Variants in PCSK7 observed in about 807,000 individuals in gnomAD.
PCSK7 encodes the protein lymphoma proprotein convertase.
A neutral mutation model predicts 73.3 loss-of-function variants in PCSK7; 38 were observed. That is an observed-to-expected ratio of 0.52 (90% confidence interval 0.40 to 0.68). The LOEUF (loss-of-function observed/expected upper bound fraction) is 0.68. Among genes scored for constraint, PCSK7 ranks in the 30% least tolerant of loss-of-function variants. The pLI is 0.00. For synonymous variants in PCSK7, 296 were observed against 383.8 expected (o/e 0.77, Z 2.68); for missense variants, 692 against 991.5 (o/e 0.70, Z 4.06).
At position 117,223,323 on chromosome 11, in the gene PCSK7, G is replaced by A; in HGVS notation, c.1055-15C>T. ...ATCCACAGCTCCTAGGGACAGAGGA[G>A]GGAGATTAGAGCTGAGATGCAGAGG... On this transcript the variant is annotated splice_polypyrimidine_tract_variant and intron_variant, in intron 8 of 16. Transcript: ENST00000320934. 3 of 1,524,512 alleles carry A rather than the reference G, an allele frequency of 2.0e-6. No individual in the cohort carries two copies. The highest frequency in any genetic ancestry group is 2.7e-6 in the Non-Finnish European group (3 of 1,098,538). 94.4% of individuals were successfully genotyped at this position (1,524,512 alleles called of 1,614,324 possible). A position where few individuals can be genotyped will look rare whatever the true frequency, so the allele number is the denominator to read the frequency against.
intron 9 of PCSK7, chr11:117,222,973 A>T (rs2032263424): frequency 1.9e-6 from 1 of 514,698 alleles, no homozygotes; most frequent in Non-Finnish European, 3.5e-6. Context: ...TTCTAAAAAT[A>T]TGTATATTCG....
rs769452095 is a variant in PCSK7 at position 117,229,539 on chromosome 11, A to C, written c.306T>G (p.Ala102=). 16 of 1,613,400 alleles carry C rather than the reference A, an allele frequency of 9.9e-6. No individual in the cohort carries two copies. In the South Asian group the frequency reaches 1.8e-4, roughly 18 times the overall value. The change falls in exon 3 of 17, where the codon GCT becomes GCG. Residue 102 remains alanine, a synonymous_variant. Transcript: ENST00000320934. ...LQGHYLFVQP[A]GHRPALEVEA... is the part of the protein sequence containing the mutation. ...CCACCTCCAGGGCCGGCCTGTGCCC[A>C]GCAGGCTGGACAAAGAGGTAGTGCC...
Position 117,204,659 on chromosome 11 carries a change from G to A in PCSK7, c.*1338C>T, listed in dbSNP as rs973367737. The A allele has an allele frequency of 2.0e-6, 1 of 488,342 alleles. No individual in the cohort carries two copies. 30.3% of individuals were successfully genotyped at this position (488,342 alleles called of 1,614,324 possible). A position where few individuals can be genotyped will look rare whatever the true frequency, so the allele number is the denominator to read the frequency against. Reference sequence around the variant, plus strand: ...AGCGGGCTGGGGGTAGCCTGGATGTGGGCCAAGTCCACTGTCCTCCTTGGC... The same window carrying A: ...AGCGGGCTGGGGGTAGCCTGGATGTAGGCCAAGTCCACTGTCCTCCTTGGC... On this transcript the variant is annotated 3_prime_UTR_variant, in exon 17 of 17. Coordinates refer to ENST00000320934, the MANE Select transcript of PCSK7 (RefSeq NM_004716.4).
At chr11:117,213,774 C>T (rs1412507168) in intron 12 of PCSK7, 1 of 152,056 alleles carries the variant, frequency 6.6e-6, no homozygotes, top group African/African-American at 2.4e-5. Flanking sequence ...CTAGAACTCT[C>T]TCTACCAGAA....
At position 117,205,691 on chromosome 11, in the gene PCSK7, G is replaced by A. The variant is rs937050847; in HGVS notation, c.*306C>T. On this transcript the variant is annotated 3_prime_UTR_variant, in exon 17 of 17. Coordinates refer to ENST00000320934, the MANE Select transcript of PCSK7 (RefSeq NM_004716.4). ...TGGGAAGGGGTCCCCCATGCTTGGG[G>A]GACCTAGGCAGCTGGCTTGGCCCAA... is the stretch of plus-strand genomic sequence containing the variant. The A allele has an allele frequency of 2.6e-5, 8 of 305,528 alleles. No homozygotes were observed. The highest frequency in any genetic ancestry group is 1.7e-4 in the African/African-American group (8 of 47,218). The allele number at this position is 305,528 out of a possible 1,614,324, so 18.9% of individuals were successfully genotyped here. A position where few individuals can be genotyped will look rare whatever the true frequency, so the allele number is the denominator to read the frequency against.
Position 117,218,703 on chromosome 11 carries a change from C to T in PCSK7, c.1432-135G>A. 1 of 589,522 alleles carries T rather than the reference C, an allele frequency of 1.7e-6. No individual in the cohort carries two copies. The highest frequency in any genetic ancestry group is 3.0e-6 in the Non-Finnish European group (1 of 333,810). 36.5% of individuals were successfully genotyped at this position (589,522 alleles called of 1,614,324 possible). A position where few individuals can be genotyped will look rare whatever the true frequency, so the allele number is the denominator to read the frequency against. On this transcript the variant is annotated intron_variant, in intron 11 of 16. Coordinates refer to ENST00000320934, the MANE Select transcript of PCSK7 (RefSeq NM_004716.4). The surrounding 1 kb of genome is among the most constrained non-coding windows in gnomAD (Gnocchi z 4.0). ...TTATTTTTCCACTCCTCATCATCTT[C>T]CTTCAGCCCTCAGCTCCTGCTTGCT... is the stretch of plus-strand genomic sequence containing the variant.
In PCSK7 at chr11:117,225,650, A is replaced by C. The variant is rs568551580; in HGVS notation, c.860+281T>G. On this transcript the variant is annotated intron_variant, in intron 6 of 16. Transcript: ENST00000320934. ...TTCAGCTGGCCTGTGGATGGAGAAG[A>C]AAGCCCGCTTTCTTGCAGAGGCCTT... The C allele has an allele frequency of 2.0e-5, 9 of 447,266 alleles. No individual in the cohort carries two copies. In the East Asian group the frequency reaches 2.9e-4, roughly 14 times the overall value. 27.7% of individuals were successfully genotyped at this position (447,266 alleles called of 1,614,324 possible). A position where few individuals can be genotyped will look rare whatever the true frequency, so the allele number is the denominator to read the frequency against.
chr11:117,231,273 G>A (rs1033142316), intron 1 of PCSK7: 3 of 152,054 alleles, frequency 2.0e-5, no homozygotes, highest in African/African-American at 7.2e-5. Flanking sequence ...TCCTGGAAAG[G>A]AGAACTTATG....
chr11:117,205,438 G>A lies in PCSK7; in HGVS notation c.*559C>T, dbSNP rs914100403. The A allele has an allele frequency of 3.9e-5, 9 of 233,720 alleles. No individual in the cohort carries two copies. The highest frequency in any genetic ancestry group is 2.8e-4 in the Admixed American group (5 of 17,780). The allele number at this position is 233,720 out of a possible 1,614,324, so 14.5% of individuals were successfully genotyped here. A position where few individuals can be genotyped will look rare whatever the true frequency, so the allele number is the denominator to read the frequency against. Reference sequence around the variant, plus strand: ...GAGCCGTGTGTATCCCAGCTGTGCCGGCAGCATCATACCAATCGTGGGGGT... The same window carrying A: ...GAGCCGTGTGTATCCCAGCTGTGCCAGCAGCATCATACCAATCGTGGGGGT... On this transcript the variant is annotated 3_prime_UTR_variant, in exon 17 of 17. Coordinates refer to ENST00000320934, the MANE Select transcript of PCSK7 (RefSeq NM_004716.4).
intron 8 of PCSK7, chr11:117,223,731 T>C (rs2032298687): frequency 2.8e-6 from 1 of 361,450 alleles, no homozygotes; most frequent in Non-Finnish European, 5.1e-6. Context: ...ACATGCTAAC[T>C]GGGAGCACAG....
Position 117,204,639 on chromosome 11 carries a change from G to C in PCSK7, c.*1358C>G. ...CCTGGGCTAAGCAGGGGAGAAGCGGGCTGGGGGTAGCCTGGATGTGGGCCA... is the reference window on the plus strand; with the variant it reads ...CCTGGGCTAAGCAGGGGAGAAGCGGCCTGGGGGTAGCCTGGATGTGGGCCA... On this transcript the variant is annotated 3_prime_UTR_variant, in exon 17 of 17. Transcript: ENST00000320934. The C allele has an allele frequency of 5.7e-6, 3 of 524,760 alleles. No homozygotes were observed. Among genetic ancestry groups the C allele is most frequent in the Non-Finnish European group, 1.1e-5 (3 of 283,596 alleles). 32.5% of individuals were successfully genotyped at this position (524,760 alleles called of 1,614,324 possible).
At chr11:117,231,266 T>G (rs1465909097) in intron 1 of PCSK7, 1 of 152,216 alleles carries the variant, frequency 6.6e-6, no homozygotes, top group Non-Finnish European at 1.5e-5. Context: ...AAAGGCTTCC[T>G]GGAAAGGAGA....
Position 117,218,436 on chromosome 11 carries a change from A to G in PCSK7, c.1534+30T>C. 1 of 1,288,844 alleles carries G rather than the reference A, an allele frequency of 7.8e-7. No homozygotes were observed. 79.8% of individuals were successfully genotyped at this position (1,288,844 alleles called of 1,614,324 possible). On this transcript the variant is annotated intron_variant, in intron 12 of 16. Transcript: ENST00000320934. This position sits in a 1 kb window ranked among gnomAD's most constrained non-coding sequence, Gnocchi z 4.0. The stretch of plus-strand genomic sequence containing the variant: ...CACCCGGCCCCAAACCTCAGGCCTA[A>G]GATTAACCCCCTTTGTGCTGATTAC...
chr11:117,219,132 G>A lies in PCSK7; in HGVS notation c.1356C>T (p.Asn452=), dbSNP rs763942594. 29 of 1,611,070 alleles carry A rather than the reference G, an allele frequency of 1.8e-5. No homozygotes were observed. Among genetic ancestry groups the A allele is most frequent in the South Asian group, 9.9e-5 (9 of 91,004 alleles). The change falls in exon 11 of 17, where the codon AAC becomes AAT. Residue 452 remains asparagine, a synonymous_variant. Coordinates refer to ENST00000320934, the MANE Select transcript of PCSK7 (RefSeq NM_004716.4). The part of the protein sequence containing the change: ...YEDRRAEWVT[N]EAGFSHSHQH... ...GGTGGCTATGGCTGAAGCCTGCCTCGTTGGTGACCCACTCTGCACGGCGAT... is the reference window on the plus strand; with the variant it reads ...GGTGGCTATGGCTGAAGCCTGCCTCATTGGTGACCCACTCTGCACGGCGAT...
At chr11:117,226,404 G>A (rs1240683281) in intron 5 of PCSK7, 2 of 245,248 alleles carry the variant, frequency 8.2e-6, no homozygotes, top group Admixed American at 4.8e-5. Flanking sequence ...CCAAAGTGCT[G>A]GGATTACAGG....
intron 12 of PCSK7, chr11:117,212,351 T>C (rs545991757): frequency 1.1e-4 from 17 of 152,240 alleles, no homozygotes; most frequent in African/African-American, 3.6e-4. Context: ...TTTTCCCCAG[T>C]TGTCGTCCCC....
rs45449795 is a variant in PCSK7 at position 117,206,228 on chromosome 11, C to T, written c.2127G>A (p.Arg709=). Residue 709 remains arginine (R), a synonymous_variant, in exon 17 of 17, where the codon CGG becomes CGA. Coordinates refer to ENST00000320934, the MANE Select transcript of PCSK7 (RefSeq NM_004716.4). ...CRSGPCHWPH[R]SRKAKEEGTE... ...TCCCTTCCTCCTTGGCTTTCCGGCT[C>T]CGATGGGGCCAGTGGCAGGGTCCAC... is the stretch of plus-strand genomic sequence containing the variant. 31 of 1,613,988 alleles carry T rather than the reference C, an allele frequency of 1.9e-5. No homozygotes were observed. The highest frequency in any genetic ancestry group is 2.7e-5 in the African/African-American group (2 of 75,022).
At chr11:117,227,081 G>A (rs2032458296) in intron 5 of PCSK7, 76 bp downstream of exon 5, 2 of 1,189,880 alleles carry the variant, frequency 1.7e-6, no homozygotes, top group African/African-American at 3.0e-5. Flanking sequence ...ATGTTTCAGA[G>A]TAGGGAGGGG....
In PCSK7 at chr11:117,229,576, C is replaced by A. The variant is rs1163700784; in HGVS notation, c.269G>T (p.Gly90Val). Reference sequence around the variant, plus strand: ...AAAGAGGTAGTGCCCCTGAAGCTCTCCGATGCGTCCAGCATTCACCAGCCC... The same window carrying A: ...AAAGAGGTAGTGCCCCTGAAGCTCTACGATGCGTCCAGCATTCACCAGCCC... The part of the protein sequence containing the change: ...AAGLVNAGRI[G>V]ELQGHYLFVQ... The change falls in exon 3 of 17, where the codon GGA (glycine) becomes GTA (valine). Residue 90 changes from glycine (G) to valine (V), a missense_variant. Gly to Val is a moderately radical substitution (Grantham distance 109, BLOSUM62 -3). Transcript: ENST00000320934. 6.2e-7 allele frequency: 1 copy of A among 1,614,058 alleles called. No homozygotes were observed. The highest frequency in any genetic ancestry group is 2.2e-5 in the East Asian group (1 of 44,882).
Sources: gnomAD v4.1 joint callset for allele counts on GRCh38, gnomAD v4.1.1 for gene constraint, Gnocchi (gnomAD v3.1) non-coding constraint, MANE v1.5 for transcripts, NCBI Gene and HGNC (gene_info 2026-07-23, HGNC 2026-07-21) for gene names.